The following PRKCE variants were observed in gnomAD, a reference collection of about 807,000 sequenced individuals.
PRKCE encodes the protein protein kinase C epsilon type.
In PRKCE, 16 loss-of-function variants were observed where a neutral mutation model predicts 85.4. The ratio of observed to expected loss-of-function variants is 0.19; its 90% CI spans 0.13 to 0.28. PRKCE has a LOEUF of 0.28. Among genes scored for constraint, PRKCE ranks in the 10% least tolerant of loss-of-function variants. The pLI is 1.00. For synonymous variants in PRKCE, 388 were observed against 371.5 expected (o/e 1.04, Z -0.51); for missense variants, 573 against 975.2 (o/e 0.59, Z 5.49).
chr2:45,795,785 C>G (rs1405511608), intron 1 of PRKCE, among the ~76,000 whole-genome samples: 1 of 152,178 alleles, frequency 6.6e-6, no homozygotes, highest in East Asian at 1.9e-4. Flanking sequence ...TCTCATGTCA[C>G]TGTCTGCTGG....
chr2:45,774,187 T>C lies in PRKCE; in HGVS notation c.349-68813T>C, dbSNP rs904012651. On this transcript the variant is annotated intron_variant, in intron 1 of 14. Coordinates refer to ENST00000306156, the MANE Select transcript of PRKCE (RefSeq NM_005400.3). The surrounding 1 kb of genome is among the most constrained non-coding windows in gnomAD (Gnocchi z 4.3). ...TCCAGGGCTGGGCTTGGCTGGGACA[T>C]GTTGGGCTGACCACCCCTGTGGTCA... 7.9e-5 allele frequency among the ~76,000 whole-genome samples: 12 copies of C among 152,036 alleles called. No homozygotes were observed. The highest frequency in any genetic ancestry group is 7.9e-4 in the Admixed American group (12 of 15,272).
intron 1 of PRKCE, among the ~76,000 whole-genome samples, chr2:45,772,000 C>T (rs940530348): frequency 6.6e-6 from 1 of 152,114 alleles, no homozygotes; most frequent in Non-Finnish European, 1.5e-5. Flanking sequence ...GAAGGGCAAC[C>T]CCTTCTCATA....
chr2:45,832,809 G>A (rs1243642279), intron 1 of PRKCE, among the ~76,000 whole-genome samples: 7 of 152,156 alleles, frequency 4.6e-5, no homozygotes, highest in Non-Finnish European at 7.3e-5. Flanking sequence ...GAGGATGCGC[G>A]CAAGTTATTT....
At chr2:45,754,987 G>T (rs1683884421) in intron 1 of PRKCE, among the ~76,000 whole-genome samples, 1 of 152,238 alleles carries the variant, frequency 6.6e-6, no homozygotes, top group South Asian at 2.1e-4. Context: ...GGAGCAGCAA[G>T]ACTACGGCGT....
Position 45,909,024 on chromosome 2 carries a change from T to C in PRKCE, c.412+65961T>C, listed in dbSNP as rs116652500. Among the ~76,000 whole-genome samples the C allele has an allele frequency of 2.5e-3, 385 of 152,332 alleles. 6 individuals are homozygous for C. The highest frequency in any genetic ancestry group is 8.8e-3 in the African/African-American group (367 of 41,572). On this transcript the variant is annotated intron_variant, in intron 2 of 14. Coordinates refer to ENST00000306156, the MANE Select transcript of PRKCE (RefSeq NM_005400.3). Reference sequence around the variant, plus strand: ...CCTTGACCTTGAAGTCAGCCAGTCATGGAGACTTCTTTCACCATCTGTTTT... The same window carrying C: ...CCTTGACCTTGAAGTCAGCCAGTCACGGAGACTTCTTTCACCATCTGTTTT...
intron 2 of PRKCE, among the ~76,000 whole-genome samples, chr2:45,881,465 C>G (rs1374262283): frequency 1.3e-5 from 2 of 152,022 alleles, no homozygotes; most frequent in Admixed American, 1.3e-4. Flanking sequence ...TTTAAGTACC[C>G]AAGTCAGAAA....
chr2:46,151,136 C>G lies in PRKCE; in HGVS notation c.1827C>G (p.Ala609=), dbSNP rs369510461. 2 of 1,599,490 alleles carry G rather than the reference C, an allele frequency of 1.3e-6. No individual in the cohort carries two copies. Among genetic ancestry groups the G allele is most frequent in the Admixed American group, 1.7e-5 (1 of 59,996 alleles). The change falls in exon 13 of 15, where the codon GCC becomes GCG. Residue 609 remains alanine (A), a synonymous_variant. Transcript: ENST00000306156. ...EMMAGQPPFE[A]DNEDDLFESI... ...TGGCTGGACAGCCTCCCTTTGAGGCCGACAATGAGGACGACCTATTTGAGT... is the reference window on the plus strand; with the variant it reads ...TGGCTGGACAGCCTCCCTTTGAGGCGGACAATGAGGACGACCTATTTGAGT...
chr2:45,965,894 C>T (rs1046927149), intron 2 of PRKCE, among the ~76,000 whole-genome samples: 7 of 151,846 alleles, frequency 4.6e-5, no homozygotes, highest in East Asian at 1.9e-4. Flanking sequence ...TTTGTTAAAC[C>T]GCTGCATTAC....
At chr2:45,946,738 C>T (rs1359155469) in intron 2 of PRKCE, among the ~76,000 whole-genome samples, 1 of 152,174 alleles carries the variant, frequency 6.6e-6, no homozygotes, top group African/African-American at 2.4e-5. Context: ...GCTCCCCTGC[C>T]TGCCCCATGG....
At chr2:46,082,192 A>G (rs947268126) in intron 10 of PRKCE, among the ~76,000 whole-genome samples, 7 of 152,148 alleles carry the variant, frequency 4.6e-5, no homozygotes, top group Admixed American at 4.6e-4. Flanking sequence ...AGCATTTGCA[A>G]TAAATGTGGG....
chr2:45,918,208 G>A (rs994303324), intron 2 of PRKCE, among the ~76,000 whole-genome samples: 1 of 152,194 alleles, frequency 6.6e-6, no homozygotes, highest in Non-Finnish European at 1.5e-5. Flanking sequence ...AGCGAGGGCT[G>A]TGAGGACTGC....
At chr2:45,896,970 T>G (rs1225344220) in intron 2 of PRKCE, among the ~76,000 whole-genome samples, 3 of 152,108 alleles carry the variant, frequency 2.0e-5, no homozygotes, top group East Asian at 3.9e-4. Flanking sequence ...CCTAGCTACT[T>G]GGGAGGCTGA....
chr2:46,027,032 G>A (rs552404792), intron 10 of PRKCE, among the ~76,000 whole-genome samples: 9 of 152,108 alleles, frequency 5.9e-5, no homozygotes, highest in South Asian at 2.1e-4. Context: ...AGCCTGGCAC[G>A]GTGATGTGTG....
rs12463939 is a variant in PRKCE, at chr2:46,053,876, T to G, written c.1438-32332T>G. Among the ~76,000 whole-genome samples, 225 of 152,350 alleles carry G rather than the reference T, an allele frequency of 1.5e-3. 1 individual carries two copies. Among genetic ancestry groups the G allele is most frequent in the East Asian group, 0.014 (73 of 5,180 alleles). On this transcript the variant is annotated intron_variant, in intron 10 of 14. Coordinates refer to ENST00000306156, the MANE Select transcript of PRKCE (RefSeq NM_005400.3). Reference sequence around the variant, plus strand: ...CCTGTTTTCAATTCTTTTTGCTATATTCCCAGAAGCAGAATTGCTGACTCA... The same window carrying G: ...CCTGTTTTCAATTCTTTTTGCTATAGTCCCAGAAGCAGAATTGCTGACTCA...
chr2:45,808,130 GC>G (rs1688384933), intron 1 of PRKCE, among the ~76,000 whole-genome samples: 1 of 151,980 alleles, frequency 6.6e-6, no homozygotes, highest in Admixed American at 6.6e-5. Flanking sequence ...GCCTCACACT[GC>G]CACTTTTATT....
chr2:46,091,327 C>G (rs1670151522), intron 11 of PRKCE, among the ~76,000 whole-genome samples: 2 of 152,196 alleles, frequency 1.3e-5, no homozygotes, highest in South Asian at 4.1e-4. Context: ...AGGGAAATTC[C>G]TCCTCCTCAA....
At chr2:45,899,387 T>C (rs1696399334) in intron 2 of PRKCE, among the ~76,000 whole-genome samples, 1 of 151,312 alleles carries the variant, frequency 6.6e-6, no homozygotes, top group African/African-American at 2.4e-5. Flanking sequence ...TTTTTTTCTT[T>C]TTTTTTTTTT....
chr2:45,843,039 G>A lies in PRKCE; in HGVS notation c.388G>A (p.Asp130Asn). 1.2e-6 allele frequency: 2 copies of A among 1,614,060 alleles called. No individual in the cohort carries two copies. The highest frequency in any genetic ancestry group is 1.3e-5 in the African/African-American group (1 of 75,020). The stretch of plus-strand genomic sequence containing the variant: ...AGAAGGAAGAGTGTATGTGATCATC[G>A]ATCTCTCAGGGTCGTCGGGTGAAGG... Reference protein sequence around the residue: ...EPEGRVYVIIDLSGSSGEAPK... With the variant: ...EPEGRVYVIINLSGSSGEAPK... Residue 130 changes from aspartate to asparagine, a missense_variant, in exon 2 of 15, where the codon GAT becomes AAT. Physicochemically the swap from Asp to Asn is conservative, Grantham distance 23 (BLOSUM62 1). Coordinates refer to ENST00000306156, the MANE Select transcript of PRKCE (RefSeq NM_005400.3).
rs1681357698 is a variant in PRKCE, at chr2:45,729,307, G to GATGAAAGGTGCCATGAAT, written c.348+76876_348+76877insTATGAAAGGTGCCATGAA. On this transcript the variant is annotated intron_variant, in intron 1 of 14. Transcript: ENST00000306156. Reference sequence around the variant, plus strand: ...AGCAAGATAGAGTAGAGAGAAAGTAGATGAAAGGTGCCATGAAAGCCATCC... The same window carrying GATGAAAGGTGCCATGAAT: ...AGCAAGATAGAGTAGAGAGAAAGTAGATGAAAGGTGCCATGAATATGAAAGGTGCCATGAAAGCCATCC... 5.3e-5 allele frequency among the ~76,000 whole-genome samples: 8 copies of GATGAAAGGTGCCATGAAT among 152,196 alleles called. No homozygotes were observed. In the South Asian group the frequency reaches 1.7e-3, roughly 32 times the overall value.
Sources: gnomAD v4.1 joint callset for allele counts (sites outside exome capture counted in the v4.1 genomes callset) on GRCh38, gnomAD v4.1.1 for gene constraint, Gnocchi (gnomAD v3.1) non-coding constraint, MANE v1.5 for transcripts, NCBI Gene and HGNC (gene_info 2026-07-23, HGNC 2026-07-21) for gene names.